Variants in EGFR observed in about 807,000 individuals in gnomAD.
EGFR encodes the protein avian erythroblastic leukemia viral (v-erb-b) oncogene homolog.
In EGFR, 58 loss-of-function variants were observed where a neutral mutation model predicts 143.0. The observed-to-expected ratio is 0.41, with a 90% CI of 0.33 to 0.50. The LOEUF (loss-of-function observed/expected upper bound fraction) is 0.50, where lower values mean the gene tolerates loss of function less well. EGFR is among the 20% of genes least tolerant of loss of function. The pLI is 0.39. For synonymous variants in EGFR, 613 were observed against 594.4 expected (o/e 1.03, Z -0.45); for missense variants, 1,307 against 1,579.0 (o/e 0.83, Z 2.92).
chr7:55,085,006 C>G (rs1790672085), intron 1 of EGFR, among the ~76,000 whole-genome samples: 2 of 152,162 alleles, frequency 1.3e-5, no homozygotes, highest in South Asian at 4.2e-4. Context: ...CACAGTTTCT[C>G]TGGAATGACC....
chr7:55,035,510 TA>T (rs35679531), intron 1 of EGFR, among the ~76,000 whole-genome samples: 36,743 of 139,740 alleles, frequency 0.26, 6,168 homozygotes, highest in East Asian at 0.82. Flanking sequence ...CCGTCTTCAC[TA>T]AAAAAAAAAA....
chr7:55,058,687 A>G (rs1489763152), intron 1 of EGFR, among the ~76,000 whole-genome samples: 2 of 152,126 alleles, frequency 1.3e-5, no homozygotes, highest in Non-Finnish European at 2.9e-5. Flanking sequence ...GGCCTACTTG[A>G]GGGTAGAGGG....
At chr7:55,121,159 C>G (rs1426285866) in intron 1 of EGFR, among the ~76,000 whole-genome samples, 1 of 152,224 alleles carries the variant, frequency 6.6e-6, no homozygotes, top group Non-Finnish European at 1.5e-5. Flanking sequence ...GCTCCTCACA[C>G]TGTCCTCTTC....
chr7:55,156,883 G>T, intron 10 of EGFR, 51 bp downstream of exon 10: 1 of 1,613,064 alleles, frequency 6.2e-7, no homozygotes, highest in South Asian at 1.1e-5. Flanking sequence ...GTGTTTTAGA[G>T]AGAGAACTTT....
chr7:55,022,782 C>A (rs1055056846), intron 1 of EGFR, among the ~76,000 whole-genome samples: 2 of 152,184 alleles, frequency 1.3e-5, no homozygotes, highest in African/African-American at 4.8e-5. Flanking sequence ...TATTTAGTTT[C>A]ATAACTCATG....
intron 1 of EGFR, among the ~76,000 whole-genome samples, chr7:55,094,108 A>T (rs1004343625): frequency 6.6e-6 from 1 of 152,176 alleles, no homozygotes; most frequent in African/African-American, 2.4e-5. Flanking sequence ...TACCAAGGAA[A>T]AGTTTTTTCT....
intron 1 of EGFR, among the ~76,000 whole-genome samples, chr7:55,136,698 T>G (rs888210045): frequency 2.6e-5 from 4 of 152,216 alleles, no homozygotes; most frequent in Non-Finnish European, 4.4e-5. Context: ...ATGTTGAATT[T>G]TTTATCTTTT....
At chr7:55,133,906 T>G (rs868026298) in intron 1 of EGFR, among the ~76,000 whole-genome samples, 4 of 152,188 alleles carry the variant, frequency 2.6e-5, no homozygotes, top group African/African-American at 9.7e-5. Context: ...TTCAAAAGTA[T>G]GCCTGTGTGT....
chr7:55,065,090 C>T (rs1789420080), intron 1 of EGFR, among the ~76,000 whole-genome samples: 2 of 152,202 alleles, frequency 1.3e-5, no homozygotes, highest in Non-Finnish European at 2.9e-5. Context: ...GAAGTCAACT[C>T]AAGTTATCTG....
intron 1 of EGFR, among the ~76,000 whole-genome samples, chr7:55,035,278 T>C (rs1250837826): frequency 2.6e-5 from 4 of 152,142 alleles, no homozygotes; most frequent in Admixed American, 6.6e-5. Flanking sequence ...CACATTTTAT[T>C]TATTTGGACT....
intron 1 of EGFR, among the ~76,000 whole-genome samples, chr7:55,136,628 G>T (rs532641776): frequency 6.6e-6 from 1 of 152,310 alleles, no homozygotes; most frequent in South Asian, 2.1e-4. Flanking sequence ...TTTGACTTAA[G>T]ATTTTTTGAC....
At chr7:55,157,039 C>A in intron 10 of EGFR, 3 of 1,285,620 alleles carry the variant, frequency 2.3e-6, no homozygotes, top group South Asian at 1.5e-5. Flanking sequence ...TCATTCACTG[C>A]GGTGTAAACA....
chr7:55,175,700 A>G (rs991071294), intron 19 of EGFR, among the ~76,000 whole-genome samples: 2 of 152,232 alleles, frequency 1.3e-5, no homozygotes, highest in Non-Finnish European at 2.9e-5. Flanking sequence ...AATTTAGTTG[A>G]TCTTACAGCC....
intron 1 of EGFR, among the ~76,000 whole-genome samples, chr7:55,131,292 T>G (rs1198377624): frequency 6.6e-6 from 1 of 151,816 alleles, no homozygotes; most frequent in African/African-American, 2.4e-5. Flanking sequence ...ACCTTCTTTT[T>G]TTTTTTTTCA....
Position 55,163,433 on chromosome 7 carries a change from A to G in EGFR, c.1632-300A>G, listed in dbSNP as rs561762641. Reference sequence around the variant, plus strand: ...CATGAATCTGGTATTAGAGGCAGGGAACACCTCCTCAGGACTATCTTTTCT... The same window carrying G: ...CATGAATCTGGTATTAGAGGCAGGGGACACCTCCTCAGGACTATCTTTTCT... On this transcript the variant is annotated intron_variant, in intron 13 of 27. Coordinates refer to ENST00000275493, the MANE Select transcript of EGFR (RefSeq NM_005228.5). Among the ~76,000 whole-genome samples the G allele has an allele frequency of 1.7e-3, 257 of 152,298 alleles. 2 individuals are homozygous for G. Among genetic ancestry groups the G allele is most frequent in the African/African-American group, 5.7e-3 (235 of 41,560 alleles).
chr7:55,099,404 G>A (rs1333921348), intron 1 of EGFR, among the ~76,000 whole-genome samples: 1 of 152,232 alleles, frequency 6.6e-6, no homozygotes, highest in Non-Finnish European at 1.5e-5. Flanking sequence ...CCACTTGGCT[G>A]TCAGCATTGG....
At chr7:55,110,033 A>G (rs1230134048) in intron 1 of EGFR, 1 of 793,780 alleles carries the variant, frequency 1.3e-6, no homozygotes, top group Non-Finnish European at 1.5e-6. Context: ...GTATGTTGTT[A>G]TGAGGCATCA....
intron 27 of EGFR, among the ~76,000 whole-genome samples, chr7:55,203,549 CCACA>C (rs1787961863): frequency 8.9e-6 from 1 of 112,696 alleles, no homozygotes; most frequent in Non-Finnish European, 1.8e-5. Context: ...ACCACACACA[CCACA>C]CATACACACA....
At chr7:55,074,580 TA>T (rs1247883704) in intron 1 of EGFR, among the ~76,000 whole-genome samples, 5 of 152,248 alleles carry the variant, frequency 3.3e-5, no homozygotes, top group African/African-American at 1.2e-4. Flanking sequence ...CTAATTATTT[TA>T]AATATCGTCT....
Sources: gnomAD v4.1 joint callset for allele counts (sites outside exome capture counted in the v4.1 genomes callset) on GRCh38, gnomAD v4.1.1 for gene constraint, MANE v1.5 for transcripts, NCBI Gene and HGNC (gene_info 2026-07-23, HGNC 2026-07-21) for gene names.